ELMOD1: variants seen among roughly 807,000 people sequenced by gnomAD.
ELMOD1 encodes the protein ELMO domain containing 1.
Under a neutral mutation model 46.7 loss-of-function variants are expected in ELMOD1, and 21 were observed. The ratio of observed to expected loss-of-function variants is 0.45; its 90% CI spans 0.32 to 0.65. The LOEUF (loss-of-function observed/expected upper bound fraction) is 0.65. Among genes scored for constraint, ELMOD1 ranks in the 30% least tolerant of loss-of-function variants. The pLI is 0.04. For missense variants in ELMOD1, 348 were observed against 407.8 expected, an observed-to-expected ratio of 0.85 and a Z score of 1.26; for synonymous variants, 122 against 138.2, an observed-to-expected ratio of 0.88 and a Z score of 0.82.
At chr11:107,617,410 G>C (rs1454297420) in intron 1 of ELMOD1, among the ~76,000 whole-genome samples, 1 of 152,154 alleles carries the variant, frequency 6.6e-6, no homozygotes, top group Admixed American at 6.5e-5. Flanking sequence ...TCTATAGTCT[G>C]TTTTATCCCC....
chr11:107,652,797 A>T (rs760234946), intron 9 of ELMOD1, among the ~76,000 whole-genome samples: 1 of 152,190 alleles, frequency 6.6e-6, no homozygotes, highest in Non-Finnish European at 1.5e-5. Context: ...CCATTTATAG[A>T]ATAGAAAGTA....
intron 1 of ELMOD1, among the ~76,000 whole-genome samples, chr11:107,602,882 C>G (rs772801748): frequency 7.9e-5 from 12 of 152,120 alleles, no homozygotes; most frequent in Non-Finnish European, 1.6e-4. Flanking sequence ...CCATCTTTCA[C>G]AGTAGTCCAG....
chr11:107,598,939 G>A (rs1375975958), intron 1 of ELMOD1, among the ~76,000 whole-genome samples: 1 of 152,198 alleles, frequency 6.6e-6, no homozygotes, highest in African/African-American at 2.4e-5. Flanking sequence ...CAGGGTGCGA[G>A]TCCATTTTTA....
intron 6 of ELMOD1, among the ~76,000 whole-genome samples, chr11:107,636,077 A>G (rs1315144208): frequency 1.3e-5 from 2 of 152,248 alleles, no homozygotes; most frequent in East Asian, 1.9e-4. Context: ...TTGAAAGCCA[A>G]CAGGAGAAAT....
chr11:107,658,402 C>G (rs1282587028), intron 11 of ELMOD1, among the ~76,000 whole-genome samples: 1 of 152,140 alleles, frequency 6.6e-6, no homozygotes. Flanking sequence ...ATTATCACAG[C>G]TCCTGCTTTG....
chr11:107,591,668 G>A (rs1865394192), intron 1 of ELMOD1: 1 of 363,264 alleles, frequency 2.8e-6, no homozygotes, highest in Admixed American at 3.8e-5. Context: ...GCAGGTCGGC[G>A]CGAGAGGCTG....
chr11:107,638,080 C>G (rs528176706), intron 6 of ELMOD1, among the ~76,000 whole-genome samples: 3 of 152,150 alleles, frequency 2.0e-5, no homozygotes, highest in Non-Finnish European at 4.4e-5. Flanking sequence ...TTCACCGTGA[C>G]CCAGAATAAG....
intron 2 of ELMOD1, among the ~76,000 whole-genome samples, chr11:107,620,997 T>C (rs2135676503): frequency 6.6e-6 from 1 of 152,374 alleles, no homozygotes; most frequent in Non-Finnish European, 1.5e-5. Context: ...GGTTTCATTT[T>C]TGTAATATAT....
intron 5 of ELMOD1, among the ~76,000 whole-genome samples, chr11:107,634,695 T>C (rs1421866498): frequency 6.6e-6 from 1 of 152,136 alleles, no homozygotes; most frequent in Non-Finnish European, 1.5e-5. Context: ...GAGCCAAGAT[T>C]GTACCACTGC....
At chr11:107,638,075 C>T (rs940317697) in intron 6 of ELMOD1, among the ~76,000 whole-genome samples, 10 of 152,164 alleles carry the variant, frequency 6.6e-5, no homozygotes, top group African/African-American at 1.2e-4. Context: ...TGCCATTCAC[C>T]GTGACCCAGA....
At chr11:107,654,127 T>C in intron 9 of ELMOD1, 45 bp from the exon 10 acceptor site, 1 of 1,491,514 alleles carries the variant, frequency 6.7e-7, no homozygotes, top group Non-Finnish European at 9.2e-7. Context: ...AAGTACCAAT[T>C]AGAGGTTAAA....
At chr11:107,634,246 C>G (rs945835398) in intron 5 of ELMOD1, among the ~76,000 whole-genome samples, 1 of 152,068 alleles carries the variant, frequency 6.6e-6, no homozygotes, top group Non-Finnish European at 1.5e-5. Context: ...AAAAAATAAA[C>G]GTGAAGTGCT....
chr11:107,605,973 C>A (rs959364014), intron 1 of ELMOD1, among the ~76,000 whole-genome samples: 1 of 152,182 alleles, frequency 6.6e-6, no homozygotes, highest in Non-Finnish European at 1.5e-5. Context: ...TGTATAAAGT[C>A]AAAAAATTGC....
chr11:107,637,985 A>C (rs1051254612), intron 6 of ELMOD1, among the ~76,000 whole-genome samples: 1 of 152,088 alleles, frequency 6.6e-6, no homozygotes, highest in Non-Finnish European at 1.5e-5. Context: ...TTAGCATGGC[A>C]TTTTGGAGGC....
chr11:107,602,367 T>C (rs1865615076), intron 1 of ELMOD1, among the ~76,000 whole-genome samples: 1 of 152,186 alleles, frequency 6.6e-6, no homozygotes, highest in Non-Finnish European at 1.5e-5. Context: ...ACTCATGTTC[T>C]TCAGCTCTTG....
chr11:107,596,328 C>T (rs913204947), intron 1 of ELMOD1, among the ~76,000 whole-genome samples: 1 of 152,018 alleles, frequency 6.6e-6, no homozygotes, highest in Non-Finnish European at 1.5e-5. Flanking sequence ...AAACTCTGTT[C>T]CCTAAATCTT....
intron 11 of ELMOD1, among the ~76,000 whole-genome samples, chr11:107,663,335 G>C (rs1024427242): frequency 6.6e-6 from 1 of 152,042 alleles, no homozygotes; most frequent in Non-Finnish European, 1.5e-5. Context: ...GGGCCCAAAG[G>C]CAGGCTAGTC....
At chr11:107,644,156 C>A (rs1866375836) in intron 6 of ELMOD1, among the ~76,000 whole-genome samples, 1 of 151,892 alleles carries the variant, frequency 6.6e-6, no homozygotes, top group Non-Finnish European at 1.5e-5. Flanking sequence ...ATGAGCTGGG[C>A]ATGGTGGTAC....
chr11:107,647,340 C>T (rs1866447916), intron 6 of ELMOD1, 128 bp from the exon 7 acceptor site: 2 of 647,324 alleles, frequency 3.1e-6, no homozygotes, highest in Non-Finnish European at 4.9e-6. Context: ...TAGATGATCA[C>T]ATCTTTAATT....
Sources: allele counts gnomAD v4.1 joint callset (sites outside exome capture counted in the v4.1 genomes callset), GRCh38; gene constraint gnomAD v4.1.1; transcripts MANE v1.5; gene names NCBI Gene and HGNC (gene_info 2026-07-23, HGNC 2026-07-21).